EP300: variants seen among roughly 807,000 people sequenced by gnomAD.
EP300 encodes the protein histone acetyltransferase p300.
A neutral mutation model predicts 264.0 loss-of-function variants in EP300; 31 were observed. The ratio of observed to expected loss-of-function variants is 0.12; its 90% CI spans 0.09 to 0.16. EP300 has a LOEUF of 0.16. EP300 is among the 10% of genes least tolerant of loss of function. EP300 has a pLI of 1.00. For synonymous variants in EP300, 1,340 were observed against 1,045.4 expected, an observed-to-expected ratio of 1.28 and a Z score of -5.44; for missense variants, 2,766 against 3,052.9, an observed-to-expected ratio of 0.91 and a Z score of 2.21.
At chr22:41,171,929 TTAAC>T (rs1283946284) in intron 27 of EP300, among the ~76,000 whole-genome samples, 4 of 152,206 alleles carry the variant, frequency 2.6e-5, no homozygotes, top group African/African-American at 9.6e-5. Flanking sequence ...ATATTCTTAA[TTAAC>T]AGTATTATGT....
intron 20 of EP300, among the ~76,000 whole-genome samples, chr22:41,161,196 C>T (rs1413122641): frequency 6.6e-6 from 1 of 152,204 alleles, no homozygotes; most frequent in Non-Finnish European, 1.5e-5. Flanking sequence ...ACCCAAGTCA[C>T]TATTGTAGTG....
intron 17 of EP300, 125 bp downstream of exon 17, chr22:41,155,238 T>C: frequency 1.1e-6 from 1 of 879,072 alleles, no homozygotes; most frequent in Non-Finnish European, 1.9e-6. Flanking sequence ...TTTTTTTTTT[T>C]TCCCCCTGAG....
intron 16 of EP300, among the ~76,000 whole-genome samples, chr22:41,152,569 C>G (rs978535319): frequency 6.6e-6 from 1 of 151,186 alleles, no homozygotes; most frequent in Admixed American, 6.6e-5. Flanking sequence ...AGTCATTCCC[C>G]TCATTTCTTC....
intron 29 of EP300, 23 bp downstream of exon 29, chr22:41,173,807 T>TG (rs2059184574): frequency 6.2e-7 from 1 of 1,613,516 alleles, no homozygotes; most frequent in Non-Finnish European, 8.5e-7. Flanking sequence ...CACCCAGAGT[T>TG]GGGGAAAAAC....
chr22:41,149,445 A>C (rs2059030414), intron 13 of EP300, among the ~76,000 whole-genome samples: 1 of 152,212 alleles, frequency 6.6e-6, no homozygotes, highest in Non-Finnish European at 1.5e-5. Flanking sequence ...TTAGAATTAA[A>C]CACAATGTAG....
intron 20 of EP300, among the ~76,000 whole-genome samples, chr22:41,161,530 C>T (rs553418024): frequency 1.4e-3 from 216 of 152,090 alleles, no homozygotes; most frequent in African/African-American, 4.7e-3. Context: ...GGCAGGAGAA[C>T]GGCGTGAACC....
At chr22:41,135,489 C>G (rs1175078419) in intron 6 of EP300, among the ~76,000 whole-genome samples, 1 of 151,612 alleles carries the variant, frequency 6.6e-6, no homozygotes, top group African/African-American at 2.4e-5. Flanking sequence ...TACTCAAGTT[C>G]CCTTTGTTTT....
chr22:41,174,837 A>G (rs764835123), intron 29 of EP300: 11 of 151,948 alleles, frequency 7.2e-5, no homozygotes, highest in Non-Finnish European at 1.2e-4. Flanking sequence ...TTGGGAGAGA[A>G]ATAGTTAACA....
chr22:41,170,588 G>T lies in EP300; in HGVS notation c.4452+17G>T, dbSNP rs2145767017. ...GACTACAAGGTCAGTTGGGACATAGGGGCCAGGTGCTGACAATAGATCTGG... is the reference window on the plus strand; with the variant it reads ...GACTACAAGGTCAGTTGGGACATAGTGGCCAGGTGCTGACAATAGATCTGG... On this transcript the variant is annotated intron_variant, in intron 27 of 30. Coordinates refer to ENST00000263253, the MANE Select transcript of EP300 (RefSeq NM_001429.4). 1 of 1,613,402 alleles carries T rather than the reference G, an allele frequency of 6.2e-7. No individual in the cohort carries two copies. The highest frequency in any genetic ancestry group is 1.1e-5 in the South Asian group (1 of 91,054).
At chr22:41,157,107 T>C in intron 17 of EP300, 62 bp from the exon 18 acceptor site, 2 of 1,603,344 alleles carry the variant, frequency 1.2e-6, no homozygotes, top group Non-Finnish European at 1.7e-6. Context: ...TAATGGATGA[T>C]ACTCCATCTC....
At chr22:41,155,571 A>G (rs1197659845) in intron 17 of EP300, among the ~76,000 whole-genome samples, 1 of 152,144 alleles carries the variant, frequency 6.6e-6, no homozygotes, top group African/African-American at 2.4e-5. Context: ...AGAGTTGTGC[A>G]TGACACTTTC....
chr22:41,171,328 G>A (rs2059169598), intron 27 of EP300, among the ~76,000 whole-genome samples: 1 of 151,730 alleles, frequency 6.6e-6, no homozygotes, highest in Admixed American at 6.6e-5. Flanking sequence ...GTTGGTTAGG[G>A]TTTTAGGGGT....
At chr22:41,171,657 T>G (rs2059171468) in intron 27 of EP300, among the ~76,000 whole-genome samples, 1 of 151,836 alleles carries the variant, frequency 6.6e-6, no homozygotes. Context: ...TCTCCCTTTT[T>G]TTTTTTTGGA....
intron 1 of EP300, among the ~76,000 whole-genome samples, chr22:41,094,988 A>T (rs571630539): frequency 3.2e-4 from 49 of 151,548 alleles, no homozygotes; most frequent in African/African-American, 1.1e-3. Context: ...TTTATAGTTT[A>T]AAAAAAAACT....
At chr22:41,134,682 A>G (rs1004330227) in intron 6 of EP300, among the ~76,000 whole-genome samples, 4 of 152,128 alleles carry the variant, frequency 2.6e-5, no homozygotes, top group Admixed American at 6.5e-5. Context: ...CGTTACTTCC[A>G]TGACAACCAG....
At position 41,155,125 on chromosome 22, in the gene EP300, G is replaced by A. The variant is rs749692250; in HGVS notation, c.3261+12G>A. On this transcript the variant is annotated intron_variant, in intron 17 of 30. Transcript: ENST00000263253. ...TTTTAGGAATCCCTGTAAGTATTTG[G>A]TGGTACTTTTGATTTTATTTTTTAA... The A allele has an allele frequency of 6.4e-7, 1 of 1,556,086 alleles. No individual in the cohort carries two copies. The highest frequency in any genetic ancestry group is 1.1e-5 in the South Asian group (1 of 89,898).
intron 12 of EP300, 60 bp from the exon 13 acceptor site, chr22:41,148,978 G>T (rs766486719): frequency 6.2e-7 from 1 of 1,603,156 alleles, no homozygotes; most frequent in Non-Finnish European, 8.5e-7. Flanking sequence ...GATGATTTTA[G>T]TTATAGTAGA....
chr22:41,145,919 T>G (rs1325645324), intron 10 of EP300, among the ~76,000 whole-genome samples: 4 of 151,972 alleles, frequency 2.6e-5, no homozygotes, highest in Non-Finnish European at 5.9e-5. Context: ...ACAGGATATT[T>G]TATTTTTTTA....
rs377517076 is a variant in EP300 at position 41,150,124 on chromosome 22, C to A, written c.2743C>A (p.Arg915Ser). 1 of 1,613,084 alleles carries A rather than the reference C, an allele frequency of 6.2e-7. No homozygotes were observed. Among genetic ancestry groups the A allele is most frequent in the Non-Finnish European group, 8.5e-7 (1 of 1,180,006 alleles). The change falls in exon 14 of 31, where the codon CGC (arginine) becomes AGC (serine). Residue 915 changes from arginine (R) to serine (S), a missense_variant. By Grantham distance (110) the Arg-to-Ser change is moderately radical. Coordinates refer to ENST00000263253, the MANE Select transcript of EP300 (RefSeq NM_001429.4). ...TGCTGACCAGCCCCAGCAGCAGCCT[C>A]GCTCACAGCAGAGCACAGCAGCGTC... ...PSADQPQQQPRSQQSTAASVP... is the reference protein window; with the variant it reads ...PSADQPQQQPSSQQSTAASVP...
Sources: gnomAD v4.1 joint callset for allele counts (sites outside exome capture counted in the v4.1 genomes callset) on GRCh38, gnomAD v4.1.1 for gene constraint, MANE v1.5 for transcripts, NCBI Gene and HGNC (gene_info 2026-07-23, HGNC 2026-07-21) for gene names.